The following NARS2 variants were observed in gnomAD, a reference collection of about 807,000 sequenced individuals.
The protein encoded by NARS2 is asparaginyl-tRNA synthetase.
A neutral mutation model predicts 62.9 loss-of-function variants in NARS2; 60 were observed. The ratio of observed to expected loss-of-function variants is 0.95; its 90% confidence interval spans 0.77 to 1.18. NARS2 has a LOEUF of 1.18. Ranked by LOEUF, NARS2 falls within the 50% of genes most tolerant of loss-of-function variation. NARS2 has a pLI of 0.00. For missense variants in NARS2, 619 were observed against 576.4 expected (o/e 1.07, Z -0.76); for synonymous variants, 196 against 200.0 (o/e 0.98, Z 0.17).
At chr11:78,540,107 G>A (rs993372578) in intron 5 of NARS2, among the ~76,000 whole-genome samples, 2 of 152,004 alleles carry the variant, frequency 1.3e-5, no homozygotes, top group Non-Finnish European at 2.9e-5. Flanking sequence ...TCTCTATTAT[G>A]CAAAACAAAA....
chr11:78,450,594 G>A (rs1400849096), intron 11 of NARS2, among the ~76,000 whole-genome samples: 1 of 151,378 alleles, frequency 6.6e-6, no homozygotes, highest in African/African-American at 2.4e-5. Flanking sequence ...AATTATTTCA[G>A]GACCAAATGG....
intron 6 of NARS2, among the ~76,000 whole-genome samples, chr11:78,494,741 C>T (rs1859984580): frequency 6.6e-6 from 1 of 152,052 alleles, no homozygotes; most frequent in Admixed American, 6.5e-5. Flanking sequence ...ACAGACTTGC[C>T]TACTAGAATG....
chr11:78,470,431 GGATTTT>G (rs1271387125), intron 9 of NARS2, among the ~76,000 whole-genome samples: 1 of 151,926 alleles, frequency 6.6e-6, no homozygotes, highest in African/African-American at 2.4e-5. Flanking sequence ...TCCCTCTAGA[GGATTTT>G]ATTTATACAG....
intron 5 of NARS2, among the ~76,000 whole-genome samples, chr11:78,556,315 C>T (rs550444979): frequency 6.6e-6 from 1 of 152,324 alleles, no homozygotes; most frequent in South Asian, 2.1e-4. Context: ...CCACTTATAA[C>T]TGGTAACACT....
chr11:78,453,772 C>T (rs993719832), intron 11 of NARS2, among the ~76,000 whole-genome samples: 14 of 152,158 alleles, frequency 9.2e-5, no homozygotes, highest in Non-Finnish European at 2.1e-4. Flanking sequence ...TAAAAACAAA[C>T]TAGGTACAAT....
intron 11 of NARS2, among the ~76,000 whole-genome samples, chr11:78,463,199 G>A (rs1158474522): frequency 6.6e-6 from 1 of 152,036 alleles, no homozygotes; most frequent in Non-Finnish European, 1.5e-5. Flanking sequence ...TGAGTAGATA[G>A]ACTACAGGTG....
chr11:78,557,750 TTG>T (rs1856407775), intron 5 of NARS2, among the ~76,000 whole-genome samples: 1 of 150,222 alleles, frequency 6.7e-6, no homozygotes, highest in Admixed American at 6.6e-5. Context: ...ATCTGATAAT[TTG>T]TCTTAGGTTA....
chr11:78,570,149 C>T (rs1057413627), intron 2 of NARS2, among the ~76,000 whole-genome samples: 2 of 152,060 alleles, frequency 1.3e-5, no homozygotes, highest in Non-Finnish European at 2.9e-5. Flanking sequence ...GAGATCATGC[C>T]ACTACATTCC....
chr11:78,471,800 T>C (rs1858890761), intron 9 of NARS2, among the ~76,000 whole-genome samples: 1 of 151,356 alleles, frequency 6.6e-6, no homozygotes, highest in African/African-American at 2.4e-5. Context: ...TTTTTTGTTC[T>C]TGCGATAGTT....
At chr11:78,571,217 A>T (rs776636256) in intron 2 of NARS2, 118 bp downstream of exon 2, 22 of 642,848 alleles carry the variant, frequency 3.4e-5, no homozygotes, top group Non-Finnish European at 5.4e-5. Context: ...AAGCTATTAA[A>T]GCAGATCTGT....
chr11:78,469,340 GAA>G, intron 9 of NARS2, 27 bp from the exon 10 acceptor site: 1 of 1,575,438 alleles, frequency 6.3e-7, no homozygotes, highest in East Asian at 2.2e-5. Flanking sequence ...TACAAGCAGA[GAA>G]AAGTCAATAC....
intron 6 of NARS2, among the ~76,000 whole-genome samples, chr11:78,508,574 G>T (rs1860592046): frequency 6.8e-6 from 1 of 146,394 alleles, no homozygotes; most frequent in Admixed American, 7.0e-5. Context: ...AGTGACAGAG[G>T]GTGACTCCAT....
At chr11:78,461,177 G>C (rs1375096605) in intron 11 of NARS2, among the ~76,000 whole-genome samples, 1 of 152,124 alleles carries the variant, frequency 6.6e-6, no homozygotes, top group Non-Finnish European at 1.5e-5. Context: ...GCTCAGAGAA[G>C]AAGTCTGGAT....
chr11:78,480,923 A>G (rs1859326678), intron 7 of NARS2, among the ~76,000 whole-genome samples: 1 of 151,912 alleles, frequency 6.6e-6, no homozygotes, highest in Admixed American at 6.6e-5. Flanking sequence ...GGTTCAAGCA[A>G]TTCTCCTACC....
At chr11:78,561,032 C>T (rs1856539707) in intron 4 of NARS2, among the ~76,000 whole-genome samples, 2 of 152,080 alleles carry the variant, frequency 1.3e-5, no homozygotes, top group South Asian at 2.1e-4. Flanking sequence ...ACATGATTGC[C>T]CAAGTTAGAA....
chr11:78,440,205 A>G (rs1857533715), intron 13 of NARS2, among the ~76,000 whole-genome samples: 1 of 152,238 alleles, frequency 6.6e-6, no homozygotes, highest in South Asian at 2.1e-4. Context: ...CTAGGATTAC[A>G]GGCACACGCC....
At chr11:78,453,510 A>G (rs1858046043) in intron 11 of NARS2, among the ~76,000 whole-genome samples, 1 of 152,158 alleles carries the variant, frequency 6.6e-6, no homozygotes, top group Non-Finnish European at 1.5e-5. Context: ...AACCTTGTCC[A>G]CGCTAAAGCT....
At chr11:78,542,919 C>CA (rs1308469039) in intron 5 of NARS2, among the ~76,000 whole-genome samples, 1 of 152,182 alleles carries the variant, frequency 6.6e-6, no homozygotes, top group Non-Finnish European at 1.5e-5. Flanking sequence ...CAAACCCCCC[C>CA]ACAAAATATA....
chr11:78,467,550 TAAA>T (rs1858671857), intron 10 of NARS2, among the ~76,000 whole-genome samples: 1 of 149,026 alleles, frequency 6.7e-6, no homozygotes, highest in Admixed American at 6.7e-5. Context: ...AAAAAATAAA[TAAA>T]TAAATAAATA....
Sources: allele counts gnomAD v4.1 joint callset (sites outside exome capture counted in the v4.1 genomes callset), GRCh38; gene constraint gnomAD v4.1.1; transcripts MANE v1.5; gene names NCBI Gene and HGNC (gene_info 2026-07-23, HGNC 2026-07-21).